Variants in LRRC40 observed in about 807,000 individuals in gnomAD.
The protein encoded by LRRC40 is leucine rich repeat containing 40.
Under a neutral mutation model 72.8 loss-of-function variants are expected in LRRC40, and 76 were observed. That is an observed-to-expected ratio of 1.04 (90% CI 0.87 to 1.26). LRRC40 has a LOEUF of 1.26. Among genes scored for constraint, LRRC40 ranks in the 50% most tolerant of loss-of-function variants. LRRC40 has a pLI of 0.00. For synonymous variants in LRRC40, 243 were observed against 254.2 expected, an observed-to-expected ratio of 0.96 and a Z score of 0.42; for missense variants, 684 against 698.9, an observed-to-expected ratio of 0.98 and a Z score of 0.24.
chr1:70,164,362 C>T (rs1667833430), intron 9 of LRRC40, among the ~76,000 whole-genome samples: 1 of 151,958 alleles, frequency 6.6e-6, no homozygotes, highest in African/African-American at 2.4e-5. Context: ...TGCACTCCAA[C>T]CTGGGCAACG....
chr1:70,205,263 T>G (rs759189394), intron 1 of LRRC40, 127 bp downstream of exon 1: 7 of 894,364 alleles, frequency 7.8e-6, no homozygotes, highest in Non-Finnish European at 1.2e-5. Flanking sequence ...GGGATTAGAT[T>G]AGAGCACAGA....
intron 4 of LRRC40, among the ~76,000 whole-genome samples, chr1:70,182,179 CAT>C (rs1452207107): frequency 6.6e-6 from 1 of 151,876 alleles, no homozygotes; most frequent in Non-Finnish European, 1.5e-5. Flanking sequence ...TAATCTACAA[CAT>C]ACAACATAAC....
At chr1:70,198,934 T>C (rs1449590968) in intron 1 of LRRC40, among the ~76,000 whole-genome samples, 1 of 152,088 alleles carries the variant, frequency 6.6e-6, no homozygotes, top group African/African-American at 2.4e-5. Flanking sequence ...ACAGGTCGCT[T>C]GAGCTCAGGA....
At chr1:70,157,004 C>T (rs996694529) in intron 10 of LRRC40, among the ~76,000 whole-genome samples, 7 of 152,044 alleles carry the variant, frequency 4.6e-5, no homozygotes, top group East Asian at 1.9e-4. Context: ...TAATAATTAG[C>T]CATTATCCTT....
At chr1:70,153,972 CAAAAAAAAAAAAAA>C (rs1042976831) in intron 11 of LRRC40, among the ~76,000 whole-genome samples, 2 of 58,186 alleles carry the variant, frequency 3.4e-5, no homozygotes, top group Non-Finnish European at 6.8e-5. Flanking sequence ...GATCCTGTCT[CAAAAAAAAAAAAAA>C]AAAAAAAAAG....
At chr1:70,188,306 G>A (rs1668412855) in intron 2 of LRRC40, among the ~76,000 whole-genome samples, 1 of 151,984 alleles carries the variant, frequency 6.6e-6, no homozygotes, top group Admixed American at 6.6e-5. Flanking sequence ...ACAGGACATG[G>A]CAACAAAGGA....
At chr1:70,175,561 A>T (rs1010274964) in intron 7 of LRRC40, among the ~76,000 whole-genome samples, 11 of 152,156 alleles carry the variant, frequency 7.2e-5, no homozygotes. Context: ...TAGTAAGAGT[A>T]ATAATACTAA....
At position 70,175,172 on chromosome 1, in the gene LRRC40, A is replaced by G. The variant is rs367828150; in HGVS notation, c.977+638T>C. Among the ~76,000 whole-genome samples, 6 of 152,278 alleles carry G rather than the reference A, an allele frequency of 3.9e-5. No homozygotes were observed. In the East Asian group the frequency reaches 9.6e-4, roughly 24 times the overall value. ...TATTTATAGCTCAATGTAGTCAGAG[A>G]GCAAGACACCTGCATGAGCGAAAGA... On this transcript the variant is annotated intron_variant, in intron 7 of 14. Transcript: ENST00000370952.
intron 9 of LRRC40, among the ~76,000 whole-genome samples, chr1:70,161,380 A>G (rs60598073): frequency 0.18 from 27,240 of 151,772 alleles, 2,685 homozygotes; most frequent in East Asian, 0.38. Context: ...CACCACGCCC[A>G]GCCATGGAGA....
rs555554422 is a variant in LRRC40 at position 70,166,735 on chromosome 1, T to C, written c.1111+6730A>G. ...CTCTCTCAGGCTTTGAATATTTATA[T>C]TGAGATATTCCTCTTTTTATTATTT... On this transcript the variant is annotated intron_variant, in intron 9 of 14. Coordinates refer to ENST00000370952, the MANE Select transcript of LRRC40 (RefSeq NM_017768.5). Among the ~76,000 whole-genome samples the C allele has an allele frequency of 4.6e-5, 7 of 152,190 alleles. No homozygotes were observed. In the South Asian group the frequency reaches 1.5e-3, roughly 32 times the overall value.
intron 2 of LRRC40, among the ~76,000 whole-genome samples, chr1:70,188,880 C>T (rs1668427281): frequency 6.6e-6 from 1 of 152,066 alleles, no homozygotes; most frequent in Non-Finnish European, 1.5e-5. Context: ...GTAACTCTCC[C>T]CAGGTCACAC....
chr1:70,187,197 A>C, intron 3 of LRRC40, 68 bp downstream of exon 3: 1 of 745,198 alleles, frequency 1.3e-6, no homozygotes, highest in South Asian at 1.7e-5. Flanking sequence ...ATGTTGAGAA[A>C]ATTTAAAGAA....
intron 9 of LRRC40, among the ~76,000 whole-genome samples, chr1:70,161,548 C>CA (rs59986416): frequency 3.5e-3 from 408 of 118,082 alleles, no homozygotes; most frequent in Non-Finnish European, 4.9e-3. Flanking sequence ...GGCTCCCTCT[C>CA]AAAAAAAAAA....
At chr1:70,184,980 T>C (rs1668329378) in intron 3 of LRRC40, 66 bp from the exon 4 acceptor site, 3 of 1,376,180 alleles carry the variant, frequency 2.2e-6, no homozygotes, top group Middle Eastern at 2.1e-4. Flanking sequence ...ATCAAAGACA[T>C]TTCTTGCTAA....
Position 70,205,426 on chromosome 1 carries a change from C to A in LRRC40, c.115G>T (p.Gly39Cys). Reference protein sequence around the residue: ...QGLLKAARKSGQLNLSGRNLS... With the variant: ...QGLLKAARKSCQLNLSGRNLS... ...TTTCTACCCGACAGGTTTAACTGGC[C>A]GCTCTTCCTCGCTGCCTTCAACAGC... Residue 39 changes from glycine to cysteine, a missense_variant, in exon 1 of 15, where the codon GGC becomes TGC. Coordinates refer to ENST00000370952, the MANE Select transcript of LRRC40 (RefSeq NM_017768.5). 6.2e-7 allele frequency: 1 copy of A among 1,602,170 alleles called. No individual in the cohort carries two copies. The highest frequency in any genetic ancestry group is 8.5e-7 in the Non-Finnish European group (1 of 1,170,842).
At chr1:70,181,496 A>C (rs1318028902) in intron 4 of LRRC40, among the ~76,000 whole-genome samples, 1 of 152,088 alleles carries the variant, frequency 6.6e-6, no homozygotes, top group Non-Finnish European at 1.5e-5. Flanking sequence ...CTGTTAAAAC[A>C]AAGTCATGCC....
In LRRC40 at chr1:70,187,469, C is replaced by T. The variant is rs1668386168; in HGVS notation, c.334-131G>A. 9.0e-6 allele frequency: 5 copies of T among 555,380 alleles called. No individual in the cohort carries two copies. In the South Asian group the frequency reaches 1.2e-4, roughly 13 times the overall value. 34.4% of individuals were successfully genotyped at this position (555,380 alleles called of 1,614,324 possible). The stretch of plus-strand genomic sequence containing the variant: ...AATTCAATGGCAACAAGTTGAACTA[C>T]TGTTCAACATACTTGTTCTGTATGT... On this transcript the variant is annotated intron_variant, in intron 2 of 14. Coordinates refer to ENST00000370952, the MANE Select transcript of LRRC40 (RefSeq NM_017768.5).
rs369297512 is a variant in LRRC40, at chr1:70,155,804, A to T, written c.1221-8T>A. On this transcript the variant is annotated splice_region_variant and splice_polypyrimidine_tract_variant and intron_variant, in intron 10 of 14. Transcript: ENST00000370952. ...AAAGTTGCTTGTTTATCACTAAATG[A>T]AAAATGGTTTTAAAAAACGAACCAT... The T allele has an allele frequency of 2.1e-5, 31 of 1,460,900 alleles. No homozygotes were observed. The highest frequency in any genetic ancestry group is 2.0e-5 in the Non-Finnish European group (21 of 1,066,058). The allele number at this position is 1,460,900 out of a possible 1,614,324, so 90.5% of individuals were successfully genotyped here. A position where few individuals can be genotyped will look rare whatever the true frequency, so the allele number is the denominator to read the frequency against.
intron 10 of LRRC40, among the ~76,000 whole-genome samples, chr1:70,159,019 T>C (rs1409192636): frequency 2.0e-5 from 3 of 152,190 alleles, no homozygotes; most frequent in Non-Finnish European, 4.4e-5. Context: ...ATTTTTATTA[T>C]ACTTTTAATA....
Sources: allele counts gnomAD v4.1 joint callset (sites outside exome capture counted in the v4.1 genomes callset), GRCh38; gene constraint gnomAD v4.1.1; transcripts MANE v1.5; gene names NCBI Gene and HGNC (gene_info 2026-07-23, HGNC 2026-07-21).